POFUT3: variants seen among roughly 807,000 people sequenced by gnomAD.
POFUT3 encodes the protein GDP-fucose protein O-fucosyltransferase 3.
At chr8:33,424,093 C>T in the POFUT3 span, among the ~76,000 whole-genome samples, 2 of 151,208 alleles carry the variant, frequency 1.3e-5, no homozygotes, top group African/African-American at 2.4e-5. Context: ...GAGCCAAGAT[C>T]GCACCACTGC....
the POFUT3 span, among the ~76,000 whole-genome samples, chr8:33,332,420 G>A: frequency 2.0e-5 from 3 of 151,604 alleles, no homozygotes; most frequent in Non-Finnish European, 4.4e-5. Flanking sequence ...AAACCTGAAA[G>A]GTTGCAGTGA....
At chr8:33,383,817 G>C in the POFUT3 span, among the ~76,000 whole-genome samples, 1 of 151,810 alleles carries the variant, frequency 6.6e-6, no homozygotes, top group Non-Finnish European at 1.5e-5. Context: ...TGCCCCCTCA[G>C]ACAGGATAGT....
At chr8:33,312,749 A>ATCCCCAGAACGCTATTTCCATCCTT in the POFUT3 span, among the ~76,000 whole-genome samples, 1 of 152,078 alleles carries the variant, frequency 6.6e-6, no homozygotes, top group South Asian at 2.1e-4. Context: ...CTTTTATCAA[A>ATCCCCAGAACGCTATTTCCATCCTT]TCCCCAGAAC....
At chr8:33,388,876 G>A in the POFUT3 span, 2 of 1,024,378 alleles carry the variant, frequency 2.0e-6, no homozygotes, top group South Asian at 2.7e-5. Flanking sequence ...CACTGATGAG[G>A]TGGCAACAAC....
At chr8:33,440,856 T>G in the POFUT3 span, among the ~76,000 whole-genome samples, 45 of 152,040 alleles carry the variant, frequency 3.0e-4, no homozygotes, top group Non-Finnish European at 6.2e-4. Flanking sequence ...TTCCAACATA[T>G]GCAAAAAGTA....
At chr8:33,313,668 T>C in the POFUT3 span, among the ~76,000 whole-genome samples, 2 of 152,190 alleles carry the variant, frequency 1.3e-5, no homozygotes, top group Non-Finnish European at 2.9e-5. Context: ...ACATTCCTTA[T>C]TCTGCATACT....
the POFUT3 span, among the ~76,000 whole-genome samples, chr8:33,336,001 T>G: frequency 1.3e-5 from 2 of 151,970 alleles, no homozygotes; most frequent in African/African-American, 4.8e-5. Context: ...CACGTATAAG[T>G]GGACTCGGGC....
chr8:33,308,822 A>G, the POFUT3 span, among the ~76,000 whole-genome samples: 1 of 152,050 alleles, frequency 6.6e-6, no homozygotes, highest in African/African-American at 2.4e-5. Flanking sequence ...CTAGGGTCCC[A>G]GACTCCACCG....
the POFUT3 span, among the ~76,000 whole-genome samples, chr8:33,314,086 C>T: frequency 1.3e-5 from 2 of 152,178 alleles, no homozygotes; most frequent in East Asian, 3.9e-4. Flanking sequence ...ATCTGCAAAG[C>T]TTTAAAGTGC....
the POFUT3 span, among the ~76,000 whole-genome samples, chr8:33,343,148 C>T: frequency 1.3e-5 from 2 of 151,688 alleles, no homozygotes; most frequent in Non-Finnish European, 1.5e-5. Context: ...CTTACTTTCA[C>T]GCAAAAACCT....
chr8:33,405,488 CA>C, the POFUT3 span, among the ~76,000 whole-genome samples: 2,505 of 136,762 alleles, frequency 0.018, 26 homozygotes, highest in Middle Eastern at 0.062. Context: ...TTATTCTTTA[CA>C]AAAAAAAAAA....
chr8:33,412,927 C>G, the POFUT3 span, among the ~76,000 whole-genome samples: 1 of 152,186 alleles, frequency 6.6e-6, no homozygotes, highest in Non-Finnish European at 1.5e-5. Flanking sequence ...TGCACCTGGA[C>G]TGCTTTGCCA....
chr8:33,422,923 C>T, the POFUT3 span, among the ~76,000 whole-genome samples: 2 of 152,100 alleles, frequency 1.3e-5, no homozygotes, highest in East Asian at 3.9e-4. Context: ...TCAAGCAATG[C>T]TCCCACCTCA....
At chr8:33,315,777 T>G in the POFUT3 span, among the ~76,000 whole-genome samples, 5 of 152,176 alleles carry the variant, frequency 3.3e-5, no homozygotes, top group Non-Finnish European at 7.4e-5. Flanking sequence ...TTCATTAAGC[T>G]AGTTAGAAAC....
chr8:33,406,098 A>C, the POFUT3 span, among the ~76,000 whole-genome samples: 1 of 152,218 alleles, frequency 6.6e-6, no homozygotes, highest in Non-Finnish European at 1.5e-5. Flanking sequence ...AAATATGTTC[A>C]TAGTAACACA....
chr8:33,375,003 C>T, the POFUT3 span, among the ~76,000 whole-genome samples: 1 of 152,002 alleles, frequency 6.6e-6, no homozygotes, highest in East Asian at 1.9e-4. Flanking sequence ...GCCTCAGCCT[C>T]CCAAGTAGCT....
the POFUT3 span, among the ~76,000 whole-genome samples, chr8:33,405,367 T>C: frequency 6.6e-6 from 1 of 152,138 alleles, no homozygotes; most frequent in South Asian, 2.1e-4. Context: ...TTCTCCTGCC[T>C]CATTTACTCA....
chr8:33,448,860 G>C, the POFUT3 span, among the ~76,000 whole-genome samples: 1 of 152,070 alleles, frequency 6.6e-6, no homozygotes, highest in East Asian at 1.9e-4. Flanking sequence ...CCTGAATCTG[G>C]GAGGCGGAGG....
chr8:33,446,944 A>G, the POFUT3 span, among the ~76,000 whole-genome samples: 1 of 152,182 alleles, frequency 6.6e-6, no homozygotes, highest in Non-Finnish European at 1.5e-5. Context: ...ATTACACGTG[A>G]TCACATGAAG....
Sources: allele counts gnomAD v4.1 joint callset (sites outside exome capture counted in the v4.1 genomes callset), GRCh38; gene constraint gnomAD v4.1.1; transcripts MANE v1.5; gene names NCBI Gene and HGNC (gene_info 2026-07-23, HGNC 2026-07-21).